The following SCFD2 variants were observed in gnomAD, a reference collection of about 807,000 sequenced individuals.
SCFD2 encodes sec1 family domain containing 2.
A neutral mutation model predicts 58.9 loss-of-function variants in SCFD2; 54 were observed. That is an observed-to-expected ratio of 0.92 (90% CI 0.74 to 1.15). The LOEUF is 1.15. SCFD2 is among the 50% of genes most tolerant of loss of function. The pLI is 0.00. For synonymous variants in SCFD2, 321 were observed against 335.9 expected (o/e 0.96, Z 0.49); for missense variants, 805 against 836.6 (o/e 0.96, Z 0.47).
rs775825453 is a variant in SCFD2, at chr4:53,365,970, A to G, written c.-29T>C. The G allele has an allele frequency of 1.1e-5, 16 of 1,510,444 alleles. No homozygotes were observed. Among genetic ancestry groups the G allele is most frequent in the African/African-American group, 2.8e-5 (2 of 71,914 alleles). 93.6% of individuals were successfully genotyped at this position (1,510,444 alleles called of 1,614,324 possible). A position where few individuals can be genotyped will look rare whatever the true frequency, so the allele number is the denominator to read the frequency against. On this transcript the variant is annotated 5_prime_UTR_variant, in exon 1 of 9. Coordinates refer to ENST00000401642, the MANE Select transcript of SCFD2 (RefSeq NM_152540.4). The surrounding 1 kb of genome is among the most constrained non-coding windows in gnomAD (Gnocchi z 4.3). ...TGGGGATTCGCAGACTTGGGAAACT[A>G]CGGTGCAGGAACTTCTTTCAGAACT... is the stretch of plus-strand genomic sequence containing the variant.
intron 5 of SCFD2, among the ~76,000 whole-genome samples, chr4:53,022,158 C>T (rs1722364459): frequency 6.6e-6 from 1 of 152,148 alleles, no homozygotes; most frequent in African/African-American, 2.4e-5. Context: ...GGAAAGGAGG[C>T]TGGACTGCAA....
chr4:53,297,014 G>C (rs1391245226), intron 3 of SCFD2, among the ~76,000 whole-genome samples: 6 of 152,048 alleles, frequency 3.9e-5, no homozygotes, highest in Non-Finnish European at 7.4e-5. Context: ...TGTTTGTTAT[G>C]ATTTCTGTTC....
intron 5 of SCFD2, among the ~76,000 whole-genome samples, chr4:53,029,459 C>T (rs1243961451): frequency 2.0e-5 from 3 of 152,170 alleles, no homozygotes; most frequent in Non-Finnish European, 4.4e-5. Context: ...TCATATTGTA[C>T]ATGCACTCCA....
chr4:53,350,010 G>T (rs973571505), intron 2 of SCFD2, among the ~76,000 whole-genome samples: 1 of 152,136 alleles, frequency 6.6e-6, no homozygotes, highest in Admixed American at 6.5e-5. Flanking sequence ...AAACGGGGAC[G>T]CTAAGAGAAT....
chr4:53,214,058 A>T (rs1326042007), intron 4 of SCFD2, among the ~76,000 whole-genome samples: 8 of 152,008 alleles, frequency 5.3e-5, no homozygotes, highest in Non-Finnish European at 8.8e-5. Context: ...TCTATCATTC[A>T]TGGACATTTC....
intron 7 of SCFD2, among the ~76,000 whole-genome samples, chr4:52,890,620 G>A (rs1268258102): frequency 1.3e-5 from 2 of 152,182 alleles, no homozygotes; most frequent in Non-Finnish European, 1.5e-5. Flanking sequence ...CATAACTACT[G>A]CAATTGCAAA....
intron 3 of SCFD2, among the ~76,000 whole-genome samples, chr4:53,276,469 A>T (rs912117579): frequency 6.6e-6 from 1 of 151,850 alleles, no homozygotes; most frequent in Non-Finnish European, 1.5e-5. Context: ...TTTTTTTTTA[A>T]TTTTTATTTT....
intron 3 of SCFD2, among the ~76,000 whole-genome samples, chr4:53,284,925 C>T (rs1382038290): frequency 6.6e-6 from 1 of 152,156 alleles, no homozygotes; most frequent in Admixed American, 6.5e-5. Context: ...CTGGGACATC[C>T]TTTAAGTAGT....
chr4:53,310,149 C>G (rs1425158952), intron 3 of SCFD2, among the ~76,000 whole-genome samples: 4 of 152,056 alleles, frequency 2.6e-5, no homozygotes. Context: ...ATTTAGTGGT[C>G]TGGGAGGCTT....
intron 8 of SCFD2, among the ~76,000 whole-genome samples, chr4:52,876,535 A>C (rs1234987130): frequency 6.6e-6 from 1 of 152,078 alleles, no homozygotes; most frequent in Non-Finnish European, 1.5e-5. Context: ...GGATCACCTG[A>C]GGTCAGGAGT....
Position 53,272,487 on chromosome 4 carries a change from G to A in SCFD2, c.1311+1339C>T, listed in dbSNP as rs112647149. The stretch of plus-strand genomic sequence containing the variant: ...CAATGATAGACTGGATTAAGAAAAT[G>A]TGGCACATACACACCATGGAACACT... On this transcript the variant is annotated intron_variant, in intron 4 of 8. Transcript: ENST00000401642. Among the ~76,000 whole-genome samples, 1,393 of 152,250 alleles carry A rather than the reference G, an allele frequency of 9.1e-3. 21 individuals are homozygous for A. The highest frequency in any genetic ancestry group is 0.032 in the African/African-American group (1,314 of 41,544).
At chr4:52,995,388 C>T (rs955705999) in intron 5 of SCFD2, among the ~76,000 whole-genome samples, 1 of 152,204 alleles carries the variant, frequency 6.6e-6, no homozygotes, top group African/African-American at 2.4e-5. Flanking sequence ...TCACCTCCTG[C>T]TGTGCAGCCT....
chr4:53,172,076 G>A (rs533217259), intron 4 of SCFD2, among the ~76,000 whole-genome samples: 1 of 150,844 alleles, frequency 6.6e-6, no homozygotes, highest in East Asian at 1.9e-4. Flanking sequence ...TGTGATCTTC[G>A]GCTCACTGCA....
At chr4:53,009,741 C>T (rs1159402925) in intron 5 of SCFD2, among the ~76,000 whole-genome samples, 3 of 152,156 alleles carry the variant, frequency 2.0e-5, no homozygotes, top group East Asian at 1.9e-4. Context: ...GGCATCTGAG[C>T]TCTCCCACTA....
At chr4:53,125,217 T>C (rs1725592015) in intron 5 of SCFD2, among the ~76,000 whole-genome samples, 3 of 152,186 alleles carry the variant, frequency 2.0e-5, no homozygotes, top group East Asian at 3.8e-4. Flanking sequence ...GAACAGGGAA[T>C]GTATTTTAGG....
chr4:52,972,157 C>T (rs1721120769), intron 5 of SCFD2, among the ~76,000 whole-genome samples: 2 of 152,180 alleles, frequency 1.3e-5, no homozygotes, highest in South Asian at 4.1e-4. Flanking sequence ...ATCAAATTCA[C>T]ATATAACAAT....
intron 2 of SCFD2, among the ~76,000 whole-genome samples, chr4:53,341,760 C>G (rs572971947): frequency 6.6e-6 from 1 of 152,144 alleles, no homozygotes; most frequent in African/African-American, 2.4e-5. Flanking sequence ...GCAGATCTCT[C>G]GGCAGAAACT....
chr4:52,998,639 C>T (rs1363565632), intron 5 of SCFD2, among the ~76,000 whole-genome samples: 1 of 152,200 alleles, frequency 6.6e-6, no homozygotes, highest in African/African-American at 2.4e-5. Flanking sequence ...TCAGGAGGAA[C>T]TCCTTCCTGG....
chr4:53,323,530 A>ATTTTTTTT (rs1201482656), intron 2 of SCFD2, among the ~76,000 whole-genome samples: 1 of 106,764 alleles, frequency 9.4e-6, no homozygotes, highest in African/African-American at 3.9e-5. Context: ...TGCCCAGCTA[A>ATTTTTTTT]TTTTTTTTTT....
Sources: gnomAD v4.1 joint callset for allele counts (sites outside exome capture counted in the v4.1 genomes callset) on GRCh38, gnomAD v4.1.1 for gene constraint, Gnocchi (gnomAD v3.1) non-coding constraint, MANE v1.5 for transcripts, NCBI Gene and HGNC (gene_info 2026-07-23, HGNC 2026-07-21) for gene names.